PTPRG: variants seen among roughly 807,000 people sequenced by gnomAD.
PTPRG encodes receptor-type tyrosine-protein phosphatase gamma.
In PTPRG, 102 loss-of-function variants were observed where a neutral mutation model predicts 165.3. The observed-to-expected ratio is 0.62, with a 90% CI of 0.53 to 0.73. PTPRG has a LOEUF of 0.73. Ranked by LOEUF, PTPRG falls within the 30% of genes least tolerant of loss-of-function variation. The pLI, the probability that PTPRG is intolerant of heterozygous loss-of-function variation, is 0.00. For missense variants in PTPRG, 1,866 were observed against 1,861.4 expected (o/e 1.00, Z -0.05); for synonymous variants, 675 against 669.5 (o/e 1.01, Z -0.13).
At chr3:62,085,918 T>A (rs1701738339) in intron 5 of PTPRG, among the ~76,000 whole-genome samples, 1 of 152,202 alleles carries the variant, frequency 6.6e-6, no homozygotes, top group Admixed American at 6.5e-5. Flanking sequence ...CAGAAGGGCC[T>A]TAAAATTCTT....
At chr3:61,821,137 A>G (rs1252459539) in intron 2 of PTPRG, among the ~76,000 whole-genome samples, 2 of 152,010 alleles carry the variant, frequency 1.3e-5, no homozygotes, top group East Asian at 3.9e-4. Flanking sequence ...TAATCATATT[A>G]GTTATGATCA....
chr3:61,849,187 C>T (rs1161138095), intron 2 of PTPRG, among the ~76,000 whole-genome samples: 2 of 152,036 alleles, frequency 1.3e-5, no homozygotes, highest in African/African-American at 4.8e-5. Context: ...TGGACAACAC[C>T]CTGGAACAGG....
chr3:61,644,391 G>T (rs74812197), intron 1 of PTPRG, among the ~76,000 whole-genome samples: 1 of 152,068 alleles, frequency 6.6e-6, no homozygotes, highest in Non-Finnish European at 1.5e-5. Context: ...TTCATCTCTC[G>T]GGAGATGGAA....
intron 1 of PTPRG, among the ~76,000 whole-genome samples, chr3:61,736,727 G>A (rs963235040): frequency 8.5e-5 from 13 of 152,120 alleles, no homozygotes; most frequent in Admixed American, 7.9e-4. Flanking sequence ...CCTGGGGATC[G>A]GAGTGAGGAG....
chr3:62,156,563 G>C (rs1482721860), intron 6 of PTPRG, among the ~76,000 whole-genome samples: 1 of 152,102 alleles, frequency 6.6e-6, no homozygotes, highest in East Asian at 1.9e-4. Context: ...AGCCAGCTTT[G>C]GAATTGCATG....
chr3:62,275,312 A>G (rs771280022), intron 23 of PTPRG, among the ~76,000 whole-genome samples: 2 of 150,200 alleles, frequency 1.3e-5, no homozygotes, highest in Non-Finnish European at 3.0e-5. Context: ...GCATTAAGCA[A>G]TCTTTTTTAA....
chr3:61,975,104 A>G (rs915499203), intron 2 of PTPRG, among the ~76,000 whole-genome samples: 1 of 152,182 alleles, frequency 6.6e-6, no homozygotes, highest in Non-Finnish European at 1.5e-5. Flanking sequence ...AAATGAGGGT[A>G]GTATTGTCAG....
At chr3:61,948,844 G>T (rs573294685) in intron 2 of PTPRG, among the ~76,000 whole-genome samples, 6 of 152,212 alleles carry the variant, frequency 3.9e-5, no homozygotes, top group Non-Finnish European at 8.8e-5. Flanking sequence ...TAGATGCTTT[G>T]CCTGCCCTGG....
Position 62,030,869 on chromosome 3 carries a change from A to AC in PTPRG, c.519+27378dup, listed in dbSNP as rs930560017. On this transcript the variant is annotated intron_variant, in intron 4 of 29. Coordinates refer to ENST00000474889, the MANE Select transcript of PTPRG (RefSeq NM_002841.4). The stretch of plus-strand genomic sequence containing the variant: ...TGGAATGGGGCAGGAACTTAGACTG[A>AC]CCCCCCACTGCCTGGGTAAATCTAA... Among the ~76,000 whole-genome samples the AC allele has an allele frequency of 1.3e-3, 201 of 152,068 alleles. 5 individuals carry two copies. The highest frequency in any genetic ancestry group is 2.1e-4 in the South Asian group (1 of 4,800).
intron 4 of PTPRG, among the ~76,000 whole-genome samples, chr3:62,044,697 T>A (rs934996919): frequency 6.6e-6 from 1 of 152,194 alleles, no homozygotes; most frequent in Admixed American, 6.5e-5. Context: ...CAATAACATA[T>A]TGTGCAGCCA....
At chr3:62,268,351 T>C (rs560292290) in intron 19 of PTPRG, among the ~76,000 whole-genome samples, 1 of 152,178 alleles carries the variant, frequency 6.6e-6, no homozygotes, top group South Asian at 2.1e-4. Flanking sequence ...TTACATTAGA[T>C]GATGCTAATT....
intron 8 of PTPRG, among the ~76,000 whole-genome samples, chr3:62,168,837 G>A (rs1373185865): frequency 6.6e-6 from 1 of 152,200 alleles, no homozygotes; most frequent in Non-Finnish European, 1.5e-5. Context: ...CTGGCGTCCA[G>A]GAACAATCAG....
At chr3:61,638,669 C>A (rs1038545040) in intron 1 of PTPRG, among the ~76,000 whole-genome samples, 1 of 141,028 alleles carries the variant, frequency 7.1e-6, no homozygotes, top group East Asian at 2.1e-4. Context: ...AACTCCTAGC[C>A]TCAAGTGATC....
rs150734803 is a variant in PTPRG at position 61,664,805 on chromosome 3, T to G, written c.86-84073T>G. Among the ~76,000 whole-genome samples, 625 of 152,252 alleles carry G rather than the reference T, an allele frequency of 4.1e-3. 2 individuals are homozygous for G. Among genetic ancestry groups the G allele is most frequent in the African/African-American group, 9.9e-3 (410 of 41,534 alleles). On this transcript the variant is annotated intron_variant, in intron 1 of 29. Coordinates refer to ENST00000474889, the MANE Select transcript of PTPRG (RefSeq NM_002841.4). ...GAGATCGCGCCATTGCACTCCAGCC[T>G]GGGCGACAGAGCCAGATCCTGTTTC... is the stretch of plus-strand genomic sequence containing the variant.
At chr3:62,074,073 A>G (rs1310756586) in intron 4 of PTPRG, among the ~76,000 whole-genome samples, 1 of 152,254 alleles carries the variant, frequency 6.6e-6, no homozygotes, top group East Asian at 1.9e-4. Context: ...TTCTGTGATT[A>G]TGTAAGAGAA....
chr3:61,937,318 T>A (rs1156660516), intron 2 of PTPRG, among the ~76,000 whole-genome samples: 1 of 152,194 alleles, frequency 6.6e-6, no homozygotes, highest in Non-Finnish European at 1.5e-5. Context: ...ATTTTGACCC[T>A]GGTTTCACTG....
At chr3:62,151,802 C>T (rs556323666) in intron 6 of PTPRG, among the ~76,000 whole-genome samples, 1 of 152,078 alleles carries the variant, frequency 6.6e-6, no homozygotes, top group East Asian at 1.9e-4. Flanking sequence ...GTCACACTGC[C>T]CTTTTATAGC....
chr3:61,871,977 C>A (rs1056822975), intron 2 of PTPRG, among the ~76,000 whole-genome samples: 13 of 152,224 alleles, frequency 8.5e-5, no homozygotes, highest in Admixed American at 2.0e-4. Flanking sequence ...CTCTCAACAG[C>A]TGAAATACCT....
chr3:61,843,838 A>G (rs1380282603), intron 2 of PTPRG, among the ~76,000 whole-genome samples: 2 of 151,996 alleles, frequency 1.3e-5, no homozygotes, highest in Non-Finnish European at 2.9e-5. Context: ...AAAAAAAACA[A>G]AAAACCCAGT....
Sources: allele counts gnomAD v4.1 joint callset (sites outside exome capture counted in the v4.1 genomes callset), GRCh38; gene constraint gnomAD v4.1.1; transcripts MANE v1.5; gene names NCBI Gene and HGNC (gene_info 2026-07-23, HGNC 2026-07-21).